Variants in CCDC92B observed in about 807,000 individuals in gnomAD.
The protein encoded by CCDC92B is coiled-coil domain containing 92B, also known as coiled-coil domain-containing 92B.
In CCDC92B, 2 loss-of-function variants were observed where a neutral mutation model predicts 5.6. The ratio of observed to expected loss-of-function variants is 0.36; its 90% CI spans 0.15 to 1.12. The LOEUF is 1.12. Among genes scored for constraint, CCDC92B ranks in the 50% most tolerant of loss-of-function variants. CCDC92B has a pLI of 0.40. For synonymous variants in CCDC92B, 115 were observed against 122.3 expected (o/e 0.94, Z 0.39); for missense variants, 271 against 262.2 (o/e 1.03, Z -0.23).
At chr17:2,726,305 G>A (rs897339323) in intron 3 of CCDC92B, among the ~76,000 whole-genome samples, 14 of 151,268 alleles carry the variant, frequency 9.3e-5, no homozygotes, top group Admixed American at 6.6e-4. Context: ...AGCCTCCTGA[G>A]TAGCTGGGAC....
chr17:2,741,260 G>T (rs906800745), intron 1 of CCDC92B, among the ~76,000 whole-genome samples: 6 of 152,044 alleles, frequency 3.9e-5, no homozygotes, highest in African/African-American at 1.5e-4. Flanking sequence ...AGTGCTTCAC[G>T]TGGTCTGTCT....
Position 2,738,632 on chromosome 17 carries a change from C to T in CCDC92B, c.-23-3464G>A, listed in dbSNP as rs187451884. Reference sequence around the variant, plus strand: ...AAAATTAGCCGGGTGTGGTGGCGGGCGCCTGTAGTCCCAGCTACTCGGAGA... The same window carrying T: ...AAAATTAGCCGGGTGTGGTGGCGGGTGCCTGTAGTCCCAGCTACTCGGAGA... On this transcript the variant is annotated intron_variant, in intron 1 of 3. Coordinates refer to ENST00000614400, the MANE Select transcript of CCDC92B (RefSeq NM_001355573.2). 3.8e-3 allele frequency among the ~76,000 whole-genome samples: 579 copies of T among 151,092 alleles called. 15 individuals carry two copies. Among genetic ancestry groups the T allele is most frequent in the African/African-American group, 0.013 (547 of 40,948 alleles).
intron 1 of CCDC92B, among the ~76,000 whole-genome samples, chr17:2,745,365 G>T (rs1183894802): frequency 6.6e-6 from 1 of 152,120 alleles, no homozygotes; most frequent in African/African-American, 2.4e-5. Flanking sequence ...AAATGTTTCT[G>T]AAGAGTAAAA....
In CCDC92B at chr17:2,749,570, C is replaced by CAGGGCTCCGG. The variant is rs2071030792; in HGVS notation, c.-184_-183insCCGGAGCCCT. 1 of 138,346 alleles carries CAGGGCTCCGG rather than the reference C, an allele frequency of 7.2e-6. No homozygotes were observed. The highest frequency in any genetic ancestry group is 7.1e-5 in the Admixed American group (1 of 14,144). The allele number at this position is 138,346 out of a possible 1,614,324, so 8.6% of individuals were successfully genotyped here. On this transcript the variant is annotated 5_prime_UTR_variant, in exon 1 of 4. Coordinates refer to ENST00000614400, the MANE Select transcript of CCDC92B (RefSeq NM_001355573.2). ...CTGGGAGGCTGCGGGGCAGTCGGGC[C>CAGGGCTCCGG]GGGGCTCCGGGGGGCTCGGGGGCGC...
chr17:2,743,565 CCTCT>C (rs1481818785), intron 1 of CCDC92B, among the ~76,000 whole-genome samples: 2 of 152,226 alleles, frequency 1.3e-5, no homozygotes, highest in African/African-American at 4.8e-5. Context: ...TCCCTGGCTC[CCTCT>C]GTCCTCATCC....
chr17:2,744,849 C>T (rs946152699), intron 1 of CCDC92B, among the ~76,000 whole-genome samples: 2 of 151,836 alleles, frequency 1.3e-5, no homozygotes, highest in Non-Finnish European at 2.9e-5. Context: ...TCGTGTGTGC[C>T]CAGGAGTTTG....
chr17:2,747,095 C>A (rs2070995712), intron 1 of CCDC92B, among the ~76,000 whole-genome samples: 1 of 152,294 alleles, frequency 6.6e-6, no homozygotes, highest in South Asian at 2.1e-4. Context: ...TCTTTCTTTC[C>A]CTCAAGCAGA....
intron 1 of CCDC92B, among the ~76,000 whole-genome samples, chr17:2,749,167 G>A (rs2071024946): frequency 6.6e-6 from 1 of 152,184 alleles, no homozygotes; most frequent in African/African-American, 2.4e-5. Context: ...TGTGCGTGGC[G>A]GGAGGTGGCG....
At chr17:2,744,737 A>T (rs1471043910) in intron 1 of CCDC92B, among the ~76,000 whole-genome samples, 1 of 152,176 alleles carries the variant, frequency 6.6e-6, no homozygotes, top group Admixed American at 6.6e-5. Context: ...ACCTCAAACA[A>T]GGAGAAATAG....
At chr17:2,748,194 C>T in intron 1 of CCDC92B, 1 of 562,386 alleles carries the variant, frequency 1.8e-6, no homozygotes, top group Non-Finnish European at 3.4e-6. Context: ...TGATGACAAA[C>T]TCTTCCAGTA....
At chr17:2,740,948 A>G (rs891956790) in intron 1 of CCDC92B, among the ~76,000 whole-genome samples, 4 of 143,640 alleles carry the variant, frequency 2.8e-5, no homozygotes, top group African/African-American at 1.1e-4. Context: ...TCCTGGTGAC[A>G]GACAAAGACC....
intron 1 of CCDC92B, among the ~76,000 whole-genome samples, chr17:2,742,751 A>G (rs2070938345): frequency 6.6e-6 from 1 of 152,140 alleles, no homozygotes; most frequent in African/African-American, 2.4e-5. Context: ...CCATTTGGAT[A>G]TTCAGTGAGG....
rs1487549319 is a variant in CCDC92B, at chr17:2,724,238, G to C, written c.*173C>G. 4 of 985,168 alleles carry C rather than the reference G, an allele frequency of 4.1e-6. No individual in the cohort carries two copies. Among genetic ancestry groups the C allele is most frequent in the South Asian group, 4.7e-5 (1 of 21,292 alleles). The allele number at this position is 985,168 out of a possible 1,614,324, so 61.0% of individuals were successfully genotyped here. ...GAGGGCTCGAAGCTTTGGAAACGTC[G>C]GGAAGTACAAAAGGCTGGCGGTTCG... On this transcript the variant is annotated 3_prime_UTR_variant, in exon 4 of 4. Coordinates refer to ENST00000614400, the MANE Select transcript of CCDC92B (RefSeq NM_001355573.2). The surrounding 1 kb of genome is among the most constrained non-coding windows in gnomAD (Gnocchi z 5.0).
At chr17:2,731,105 AGGGCTTC>A (rs2070790851) in intron 2 of CCDC92B, among the ~76,000 whole-genome samples, 1 of 152,166 alleles carries the variant, frequency 6.6e-6, no homozygotes, top group Non-Finnish European at 1.5e-5. Flanking sequence ...GGCAGGGAGA[AGGGCTTC>A]GAGCAGGACG....
chr17:2,729,605 TGATAAA>T (rs944740779), intron 3 of CCDC92B, among the ~76,000 whole-genome samples: 20 of 152,214 alleles, frequency 1.3e-4, no homozygotes, highest in African/African-American at 4.8e-4. Context: ...TATAATCTGA[TGATAAA>T]GATCTCAAGA....
intron 1 of CCDC92B, among the ~76,000 whole-genome samples, chr17:2,738,718 C>T (rs981034726): frequency 6.7e-6 from 1 of 149,608 alleles, no homozygotes; most frequent in Admixed American, 6.7e-5. Context: ...TGAGATCGCG[C>T]CACTGCACTC....
At chr17:2,733,407 G>T (rs1273297518) in intron 2 of CCDC92B, among the ~76,000 whole-genome samples, 1 of 152,008 alleles carries the variant, frequency 6.6e-6, no homozygotes, top group South Asian at 2.1e-4. Flanking sequence ...TTACAGGCAT[G>T]TGCCACCACG....
At chr17:2,725,141 G>C (rs2070711820) in intron 3 of CCDC92B, 141 bp from the exon 4 acceptor site, 1 of 979,822 alleles carries the variant, frequency 1.0e-6, no homozygotes, top group African/African-American at 1.8e-5. Flanking sequence ...GGGAGGCCGA[G>C]ATGGGCAGAT....
At chr17:2,742,284 A>G (rs1048719486) in intron 1 of CCDC92B, among the ~76,000 whole-genome samples, 1 of 151,930 alleles carries the variant, frequency 6.6e-6, no homozygotes, top group Non-Finnish European at 1.5e-5. Flanking sequence ...TGCCCAGGCT[A>G]TCCTTTGCAT....
Sources: allele counts gnomAD v4.1 joint callset (sites outside exome capture counted in the v4.1 genomes callset), GRCh38; gene constraint gnomAD v4.1.1; non-coding constraint Gnocchi (gnomAD v3.1); transcripts MANE v1.5; gene names NCBI Gene and HGNC (gene_info 2026-07-23, HGNC 2026-07-21).